The following RAB6B variants were observed in gnomAD, a reference collection of about 807,000 sequenced individuals.
RAB6B encodes the protein RAB6B, member RAS oncogene family.
A neutral mutation model predicts 31.2 loss-of-function variants in RAB6B; 7 were observed. The ratio of observed to expected loss-of-function variants is 0.22; its 90% CI spans 0.13 to 0.42. The LOEUF (loss-of-function observed/expected upper bound fraction) is 0.42, where lower values mean the gene tolerates loss of function less well. Among genes scored for constraint, RAB6B ranks in the 10% least tolerant of loss-of-function variants. The pLI is 1.00. For missense variants in RAB6B, 149 were observed against 280.6 expected (o/e 0.53, Z 3.35); for synonymous variants, 105 against 104.9 (o/e 1.00, Z -0.01).
chr3:133,889,437 TATATA>T (rs1936604825), intron 1 of RAB6B, among the ~76,000 whole-genome samples: 12 of 87,000 alleles, frequency 1.4e-4, no homozygotes, highest in Admixed American at 4.6e-4. Flanking sequence ...TATATATATA[TATATA>T]TATTTATTTT....
At chr3:133,864,158 G>A (rs1216576982) in intron 2 of RAB6B, among the ~76,000 whole-genome samples, 2 of 144,010 alleles carry the variant, frequency 1.4e-5, no homozygotes, top group East Asian at 2.2e-4. Flanking sequence ...GTTTGTGTGC[G>A]TGTGTGGGGG....
chr3:133,886,147 C>T (rs1936541781), intron 1 of RAB6B, among the ~76,000 whole-genome samples: 3 of 152,236 alleles, frequency 2.0e-5, no homozygotes, highest in South Asian at 4.1e-4. Context: ...TCCCCAGAAA[C>T]CCCAAGCCTT....
Position 133,895,386 on chromosome 3 carries a change from C to T in RAB6B, c.70+11G>A, listed in dbSNP as rs185516754. 3.7e-6 allele frequency: 6 copies of T among 1,610,192 alleles called. No homozygotes were observed. In the African/African-American group the frequency reaches 5.3e-5, roughly 14 times the overall value. ...TCGGCGACAAGCCAAGAGATTAAGC[C>T]GGGTACTTACCGCTCTGCTCCCCCA... On this transcript the variant is annotated intron_variant, in intron 1 of 7. Transcript: ENST00000285208.
intron 2 of RAB6B, among the ~76,000 whole-genome samples, chr3:133,842,074 G>C (rs1159619118): frequency 6.6e-6 from 1 of 152,228 alleles, no homozygotes; most frequent in African/African-American, 2.4e-5. Context: ...CTAAAGCATG[G>C]GCCTGGGCTC....
chr3:133,839,695 G>A, intron 4 of RAB6B, 78 bp from the exon 5 acceptor site: 1 of 1,033,326 alleles, frequency 9.7e-7, no homozygotes, highest in Non-Finnish European at 1.5e-6. Context: ...GTGTGAGCCA[G>A]GAGCAGGAGG....
At chr3:133,829,079 C>T (rs1935618053) in intron 7 of RAB6B, among the ~76,000 whole-genome samples, 1 of 152,196 alleles carries the variant, frequency 6.6e-6, no homozygotes, top group Non-Finnish European at 1.5e-5. Flanking sequence ...CAAAGCCTGT[C>T]TTGCCTGGGC....
chr3:133,886,952 C>G (rs555240876), intron 1 of RAB6B, among the ~76,000 whole-genome samples: 4 of 152,044 alleles, frequency 2.6e-5, no homozygotes, highest in African/African-American at 9.6e-5. Flanking sequence ...CACACCAACA[C>G]CATCCATTCA....
At chr3:133,871,318 G>A (rs1468314421) in intron 1 of RAB6B, among the ~76,000 whole-genome samples, 3 of 152,196 alleles carry the variant, frequency 2.0e-5, no homozygotes, top group Admixed American at 1.3e-4. Flanking sequence ...GCTCTGCTGG[G>A]GAAATCACAG....
rs577032451 is a variant in RAB6B, at chr3:133,856,242, C to T, written c.129+8342G>A. ...TTGCATGTGCTGACAAAGAAGTGGACGGGAGGACATAGGAGAGGAGGGAGA... is the reference window on the plus strand; with the variant it reads ...TTGCATGTGCTGACAAAGAAGTGGATGGGAGGACATAGGAGAGGAGGGAGA... On this transcript the variant is annotated intron_variant, in intron 2 of 7. Transcript: ENST00000285208. Among the ~76,000 whole-genome samples the T allele has an allele frequency of 2.3e-4, 35 of 151,958 alleles. No individual in the cohort carries two copies. The East Asian group carries it at 5.8e-3, about 25-fold the overall frequency.
chr3:133,895,226 C>T (rs919907902), intron 1 of RAB6B, among the ~76,000 whole-genome samples, 171 bp downstream of exon 1: 12 of 152,268 alleles, frequency 7.9e-5, no homozygotes, highest in Admixed American at 2.6e-4. Context: ...CGTCCTCACC[C>T]TTGGCCCCTC....
chr3:133,889,575 T>C (rs999056598), intron 1 of RAB6B, among the ~76,000 whole-genome samples: 5 of 151,584 alleles, frequency 3.3e-5, no homozygotes, highest in African/African-American at 9.7e-5. Context: ...GCTGGGATTA[T>C]AGGCATGCGC....
Position 133,895,416 on chromosome 3 carries a change from C to T in RAB6B, c.51G>A (p.Val17=). ...ACTTACCGCTCTGCTCCCCCAAGAA[C>T]ACCAACTTGAATTTTCTCAGTGGAT... ...FGNPLRKFKL[V]FLGEQSVGKT... The change falls in exon 1 of 8, where the codon GTG becomes GTA. Residue 17 remains valine (V), a synonymous_variant. Coordinates refer to ENST00000285208, the MANE Select transcript of RAB6B (RefSeq NM_016577.4). 6.2e-7 allele frequency: 1 copy of T among 1,611,974 alleles called. No homozygotes were observed. Among genetic ancestry groups the T allele is most frequent in the Non-Finnish European group, 8.5e-7 (1 of 1,179,140 alleles).
chr3:133,884,890 TAATCA>T (rs1433947466), intron 1 of RAB6B, among the ~76,000 whole-genome samples: 15 of 94,628 alleles, frequency 1.6e-4, no homozygotes, highest in South Asian at 1.4e-3. Context: ...ACACACCAAA[TAATCA>T]GAGGACGGGG....
chr3:133,869,108 G>T (rs1254944810), intron 1 of RAB6B, among the ~76,000 whole-genome samples: 2 of 152,160 alleles, frequency 1.3e-5, no homozygotes, highest in East Asian at 3.9e-4. Flanking sequence ...AAAGGCTGTG[G>T]GTGGGGGTGA....
At position 133,862,916 on chromosome 3, in the gene RAB6B, CAAAATAATAT is replaced by C. The variant is rs546655061; in HGVS notation, c.129+1658_129+1667del. Among the ~76,000 whole-genome samples the C allele has an allele frequency of 9.2e-5, 14 of 152,302 alleles. 1 individual carries two copies. In the South Asian group the frequency reaches 2.9e-3, roughly 32 times the overall value. On this transcript the variant is annotated intron_variant, in intron 2 of 7. Coordinates refer to ENST00000285208, the MANE Select transcript of RAB6B (RefSeq NM_016577.4). ...TATATGTAACTTAATAGTAAGAAAT[CAAAATAATAT>C]ATGAGATCATTCATACACACACATG...
At chr3:133,846,438 C>T (rs1240320358) in intron 2 of RAB6B, among the ~76,000 whole-genome samples, 2 of 152,144 alleles carry the variant, frequency 1.3e-5, no homozygotes, top group Non-Finnish European at 2.9e-5. Flanking sequence ...CAGAGTGAGA[C>T]TCTGTCTCCC....
chr3:133,831,436 G>A (rs1363748171), intron 7 of RAB6B, among the ~76,000 whole-genome samples: 2 of 152,226 alleles, frequency 1.3e-5, no homozygotes, highest in Non-Finnish European at 2.9e-5. Context: ...TGCAAGTGAG[G>A]AAATGAACTT....
intron 6 of RAB6B, 30 bp from the exon 7 acceptor site, chr3:133,834,671 C>A (rs1277087291): frequency 1.2e-6 from 2 of 1,607,096 alleles, no homozygotes; most frequent in East Asian, 2.2e-5. Context: ...CAGTGTGAAC[C>A]CCAACCCTGG....
In RAB6B at chr3:133,824,722, CCCAAAATA is replaced by C. The variant is rs899581394; in HGVS notation, c.*4058_*4065del. The C allele has an allele frequency of 6.6e-6, 1 of 152,110 alleles. No homozygotes were observed. Among genetic ancestry groups the C allele is most frequent in the Non-Finnish European group, 1.5e-5 (1 of 68,054 alleles). 9.4% of individuals were successfully genotyped at this position (152,110 alleles called of 1,614,324 possible). ...GACTGGCCCTTGTGCAGTAGAGGAGCCCAAAATACCACCAATATTCTCACTCATATGCT... is the reference window on the plus strand; with the variant it reads ...GACTGGCCCTTGTGCAGTAGAGGAGCCCACCAATATTCTCACTCATATGCT... On this transcript the variant is annotated 3_prime_UTR_variant, in exon 8 of 8. Transcript: ENST00000285208.
Sources: gnomAD v4.1 joint callset for allele counts (sites outside exome capture counted in the v4.1 genomes callset) on GRCh38, gnomAD v4.1.1 for gene constraint, MANE v1.5 for transcripts, NCBI Gene and HGNC (gene_info 2026-07-23, HGNC 2026-07-21) for gene names.